The following ARVCF variants were observed in gnomAD, a reference collection of about 807,000 sequenced individuals.
The protein encoded by ARVCF is ARVCF delta catenin family member, also known as splicing regulator ARVCF.
In ARVCF, 66 loss-of-function variants were observed where a neutral mutation model predicts 90.9. The ratio of observed to expected loss-of-function variants is 0.73; its 90% CI spans 0.60 to 0.89. The LOEUF (loss-of-function observed/expected upper bound fraction) is 0.89. ARVCF is among the 40% of genes least tolerant of loss of function. ARVCF has a pLI of 0.00. For synonymous variants in ARVCF, 653 were observed against 603.4 expected (o/e 1.08, Z -1.21); for missense variants, 1,469 against 1,382.3 (o/e 1.06, Z -1.00).
rs773773097 is a variant in ARVCF at position 19,978,086 on chromosome 22, A to G, written c.1581-11T>C. Reference sequence around the variant, plus strand: ...TCGGAGCTCACATTCCTGTGTGGCCAAGAGCAGGCCAGGTGACCCCTGGCT... The same window carrying G: ...TCGGAGCTCACATTCCTGTGTGGCCGAGAGCAGGCCAGGTGACCCCTGGCT... On this transcript the variant is annotated splice_polypyrimidine_tract_variant and intron_variant, in intron 7 of 19. Transcript: ENST00000263207. The G allele has an allele frequency of 9.4e-6, 15 of 1,597,098 alleles. 1 individual carries two copies. The South Asian group carries it at 1.6e-4, about 17-fold the overall frequency.
At chr22:19,994,893 T>C (rs1944184150) in intron 2 of ARVCF, among the ~76,000 whole-genome samples, 1 of 107,140 alleles carries the variant, frequency 9.3e-6, no homozygotes, top group Non-Finnish European at 1.8e-5. Context: ...GGGGGATGGA[T>C]GGATGAACGT....
intron 1 of ARVCF, among the ~76,000 whole-genome samples, chr22:20,012,091 A>T (rs991817671): frequency 2.7e-5 from 1 of 37,504 alleles, no homozygotes; most frequent in African/African-American, 9.5e-5. Context: ...CCCCCCCCCC[A>T]CCCAGTTGGG....
At chr22:20,012,766 C>T (rs766533459) in intron 1 of ARVCF, among the ~76,000 whole-genome samples, 3 of 152,392 alleles carry the variant, frequency 2.0e-5, no homozygotes, top group Admixed American at 1.3e-4. Flanking sequence ...GGTTCTGGCA[C>T]GGTATCCATG....
intron 2 of ARVCF, among the ~76,000 whole-genome samples, chr22:19,997,243 G>A (rs577880866): frequency 2.0e-5 from 3 of 152,324 alleles, no homozygotes; most frequent in Admixed American, 1.3e-4. Flanking sequence ...GTGGCCGAAC[G>A]AGCCCAGTGA....
chr22:19,973,334 G>C lies in ARVCF; in HGVS notation c.2240-17C>G, dbSNP rs779602144. 7.0e-6 allele frequency: 11 copies of C among 1,580,858 alleles called. 1 individual carries two copies. In the South Asian group the frequency reaches 1.1e-4, roughly 16 times the overall value. On this transcript the variant is annotated splice_polypyrimidine_tract_variant and intron_variant, in intron 13 of 19. Transcript: ENST00000263207. ...CGTAGCTCCCTGAGGGGCAGGACTAGGTGTCAGAACACACCTCTGCCCCAC... is the reference window on the plus strand; with the variant it reads ...CGTAGCTCCCTGAGGGGCAGGACTACGTGTCAGAACACACCTCTGCCCCAC...
At chr22:19,983,781 G>A (rs1489956904) in intron 3 of ARVCF, 1 of 152,290 alleles carries the variant, frequency 6.6e-6, no homozygotes, top group African/African-American at 2.4e-5. Context: ...TAGGTGGAAT[G>A]CCTGCTGTGG....
chr22:19,979,363 A>G, intron 6 of ARVCF: 1 of 520,470 alleles, frequency 1.9e-6, no homozygotes, highest in Admixed American at 3.5e-5. Context: ...CTGAGGCCAC[A>G]GGGCCTCACA....
downstream of ARVCF, chr22:19,969,340 G>A (rs36082074): frequency 0.022 from 3,351 of 153,790 alleles, 51 homozygotes; most frequent in Middle Eastern, 0.058. Context: ...CCCCGCAGCA[G>A]CACCAGCCCC....
At chr22:20,012,079 T>TCCCC (rs11405277) in intron 1 of ARVCF, among the ~76,000 whole-genome samples, 2,880 of 117,068 alleles carry the variant, frequency 0.025, 5 homozygotes, top group Non-Finnish European at 0.031. Context: ...CCTCCCAAAG[T>TCCCC]CCCCCCCCCC....
intron 3 of ARVCF, among the ~76,000 whole-genome samples, chr22:19,984,694 C>T (rs1000632984): frequency 4.6e-5 from 7 of 152,232 alleles, no homozygotes; most frequent in Admixed American, 3.3e-4. Context: ...CCCAAGGGCA[C>T]GGCGCCCACT....
At chr22:19,979,622 G>C in intron 6 of ARVCF, 121 bp downstream of exon 6, 1 of 1,393,752 alleles carries the variant, frequency 7.2e-7, no homozygotes, top group Non-Finnish European at 9.5e-7. Context: ...CTCAGCAGCT[G>C]CACTCCTGCC....
At chr22:19,985,701 A>G (rs1481652567) in intron 3 of ARVCF, among the ~76,000 whole-genome samples, 3 of 141,058 alleles carry the variant, frequency 2.1e-5, no homozygotes, top group Non-Finnish European at 3.1e-5. Flanking sequence ...TACCCAAACC[A>G]CCGGACTTCA....
chr22:19,974,082 T>C (rs750747299), intron 12 of ARVCF, 30 bp downstream of exon 12: 3 of 1,585,474 alleles, frequency 1.9e-6, no homozygotes, highest in South Asian at 2.2e-5. Context: ...CTCTCAGGAC[T>C]TGCCCACCCT....
chr22:19,978,963 T>C lies in ARVCF; in HGVS notation c.1514A>G (p.Asn505Ser), dbSNP rs1202785122. 5.6e-6 allele frequency: 9 copies of C among 1,613,340 alleles called. No homozygotes were observed. Among genetic ancestry groups the C allele is most frequent in the South Asian group, 1.1e-5 (1 of 91,082 alleles). Residue 505 changes from asparagine to serine, a missense_variant, in exon 7 of 20, where the codon AAC becomes AGC. Transcript: ENST00000263207. Reference protein sequence around the residue: ...VPHSGWEREPNEDSKPRDAEW... With the variant: ...VPHSGWEREPSEDSKPRDAEW... Reference sequence around the variant, plus strand: ...GGCGTCCCGTGGCTTGGAGTCCTCGTTGGGCTCACGCTCCCATCCTGAGTG... The same window carrying C: ...GGCGTCCCGTGGCTTGGAGTCCTCGCTGGGCTCACGCTCCCATCCTGAGTG...
At chr22:20,004,839 G>A (rs1010255688) in intron 2 of ARVCF, among the ~76,000 whole-genome samples, 7 of 152,096 alleles carry the variant, frequency 4.6e-5, no homozygotes, top group African/African-American at 1.7e-4. Context: ...ATACACACAC[G>A]TAAATGAATG....
chr22:19,981,003 G>A (rs915816438), intron 5 of ARVCF: 1 of 603,976 alleles, frequency 1.7e-6, no homozygotes, highest in Non-Finnish European at 2.7e-6. Context: ...GCTTTCCTGG[G>A]CCCTGGGCCT....
intron 16 of ARVCF, 138 bp downstream of exon 16, chr22:19,972,598 GA>G (rs1942879449): frequency 8.7e-7 from 1 of 1,154,752 alleles, no homozygotes; most frequent in African/African-American, 1.6e-5. Context: ...GAGTAGCCAA[GA>G]GGCAGAGGGC....
At position 19,992,761 on chromosome 22, in the gene ARVCF, C is replaced by A. The variant is rs146556597; in HGVS notation, c.-18-1949G>T. On this transcript the variant is annotated intron_variant, in intron 2 of 19. Transcript: ENST00000263207. ...TCCCTCCCTGTGCAGAGACATGGAC[C>A]CTCGTCTACACCACACACCCCATCC... Among the ~76,000 whole-genome samples the A allele has an allele frequency of 2.6e-4, 40 of 152,238 alleles. No homozygotes were observed. In the East Asian group the frequency reaches 7.4e-3, roughly 28 times the overall value.
At position 20,004,626 on chromosome 22, in the gene ARVCF, C is replaced by A. The variant is rs376195148; in HGVS notation, c.-19+5829G>T. On this transcript the variant is annotated intron_variant, in intron 2 of 19. Transcript: ENST00000263207. ...AAAAAGAACAACATTTAAGGACTCA[C>A]ACTTCCTGATTTCAAAACTTACTAC... 6.6e-5 allele frequency among the ~76,000 whole-genome samples: 10 copies of A among 152,320 alleles called. No individual in the cohort carries two copies. In the East Asian group the frequency reaches 1.9e-3, roughly 29 times the overall value.
Sources: gnomAD v4.1 joint callset for allele counts (sites outside exome capture counted in the v4.1 genomes callset) on GRCh38, gnomAD v4.1.1 for gene constraint, MANE v1.5 for transcripts, NCBI Gene and HGNC (gene_info 2026-07-23, HGNC 2026-07-21) for gene names.